NELL1: variants seen among roughly 807,000 people sequenced by gnomAD.
NELL1 encodes the protein protein kinase C-binding protein NELL1.
Under a neutral mutation model 107.4 loss-of-function variants are expected in NELL1, and 76 were observed. The ratio of observed to expected loss-of-function variants is 0.71; its 90% CI spans 0.59 to 0.86. The LOEUF is 0.86. NELL1 is among the 40% of genes least tolerant of loss of function. NELL1 has a pLI of 0.00. For synonymous variants in NELL1, 353 were observed against 341.2 expected (o/e 1.03, Z -0.38); for missense variants, 1,024 against 1,005.5 (o/e 1.02, Z -0.25).
At chr11:20,992,864 G>A (rs930678100) in intron 12 of NELL1, among the ~76,000 whole-genome samples, 11 of 151,992 alleles carry the variant, frequency 7.2e-5, no homozygotes, top group East Asian at 5.8e-4. Flanking sequence ...ACAGGCATGC[G>A]CCACCACACC....
At chr11:20,693,920 C>A (rs567359001) in intron 2 of NELL1, among the ~76,000 whole-genome samples, 310 of 152,248 alleles carry the variant, frequency 2.0e-3, no homozygotes, top group African/African-American at 7.2e-3. Context: ...CTTTCAGGTA[C>A]ACCAATCAGA....
chr11:21,439,491 A>G (rs991220858), intron 15 of NELL1, among the ~76,000 whole-genome samples: 1 of 152,152 alleles, frequency 6.6e-6, no homozygotes, highest in African/African-American at 2.4e-5. Context: ...TGGCAAGAGC[A>G]AAGGCAGGTG....
intron 12 of NELL1, among the ~76,000 whole-genome samples, chr11:21,002,941 A>C (rs572485057): frequency 6.6e-6 from 1 of 152,274 alleles, no homozygotes; most frequent in Non-Finnish European, 1.5e-5. Flanking sequence ...TGGGTTTTGC[A>C]CTGAATCCTT....
chr11:20,669,895 G>C lies in NELL1; in HGVS notation c.55+117G>C. Reference sequence around the variant, plus strand: ...CTGGTCTGGGGAACGGCGGTAGCGTGGACCGGTTCCTGGGATCTCTTTGCC... The same window carrying C: ...CTGGTCTGGGGAACGGCGGTAGCGTCGACCGGTTCCTGGGATCTCTTTGCC... On this transcript the variant is annotated intron_variant, in intron 1 of 19. Transcript: ENST00000357134. The surrounding 1 kb of genome is among the most constrained non-coding windows in gnomAD (Gnocchi z 4.4). 1.2e-6 allele frequency: 1 copy of C among 833,710 alleles called. No individual in the cohort carries two copies. 51.6% of individuals were successfully genotyped at this position (833,710 alleles called of 1,614,324 possible).
chr11:21,279,519 T>A (rs1848944385), intron 14 of NELL1, among the ~76,000 whole-genome samples: 1 of 152,204 alleles, frequency 6.6e-6, no homozygotes, highest in African/African-American at 2.4e-5. Flanking sequence ...CATTTTATGT[T>A]ATTAAGGAAC....
intron 4 of NELL1, among the ~76,000 whole-genome samples, chr11:20,870,444 C>T (rs1849175410): frequency 6.6e-6 from 1 of 151,022 alleles, no homozygotes. Flanking sequence ...TCTCTGGCAA[C>T]TAATTTATAT....
chr11:20,992,709 A>ATTTTTTTTTTT (rs56048576), intron 12 of NELL1, among the ~76,000 whole-genome samples: 2 of 114,476 alleles, frequency 1.7e-5, no homozygotes, highest in Admixed American at 9.8e-5. Context: ...CAAAAGTGGC[A>ATTTTTTTTTTT]TTTTTTTTTT....
At chr11:21,446,498 G>A (rs571242836) in intron 15 of NELL1, among the ~76,000 whole-genome samples, 13 of 152,244 alleles carry the variant, frequency 8.5e-5, no homozygotes, top group Non-Finnish European at 1.5e-4. Flanking sequence ...GGCTTTTGAA[G>A]TATTCACAAG....
intron 2 of NELL1, among the ~76,000 whole-genome samples, chr11:20,764,357 G>A (rs1201885375): frequency 6.6e-6 from 1 of 152,100 alleles, no homozygotes; most frequent in Non-Finnish European, 1.5e-5. Flanking sequence ...TCAAATGATG[G>A]TGTATTTTAT....
At chr11:21,409,792 A>G (rs1339048842) in intron 15 of NELL1, among the ~76,000 whole-genome samples, 1 of 151,746 alleles carries the variant, frequency 6.6e-6, no homozygotes, top group Non-Finnish European at 1.5e-5. Flanking sequence ...TCTAGATGCA[A>G]TCTGTCGCCT....
At chr11:20,762,997 C>T (rs4922623) in intron 2 of NELL1, among the ~76,000 whole-genome samples, 90,618 of 151,718 alleles carry the variant, frequency 0.6, 28,015 homozygotes, top group Middle Eastern at 0.76. Flanking sequence ...AAAAAAGATA[C>T]GCCAACCTTA....
chr11:20,893,149 A>G (rs531345435), intron 5 of NELL1, among the ~76,000 whole-genome samples: 21 of 152,114 alleles, frequency 1.4e-4, no homozygotes, highest in African/African-American at 1.9e-4. Flanking sequence ...TCAGCAAACC[A>G]ACACAGGAAC....
At chr11:21,128,515 G>C (rs1223774862) in intron 13 of NELL1, among the ~76,000 whole-genome samples, 1 of 152,162 alleles carries the variant, frequency 6.6e-6, no homozygotes, top group African/African-American at 2.4e-5. Context: ...TTTTGAGGAA[G>C]TGTTGAAGAA....
intron 13 of NELL1, among the ~76,000 whole-genome samples, chr11:21,194,705 G>A (rs1241725853): frequency 6.6e-6 from 1 of 152,140 alleles, no homozygotes; most frequent in Non-Finnish European, 1.5e-5. Flanking sequence ...CCAGAAATCT[G>A]CATTTTAATA....
intron 11 of NELL1, among the ~76,000 whole-genome samples, chr11:20,951,481 T>C (rs1325335500): frequency 6.6e-6 from 1 of 152,170 alleles, no homozygotes; most frequent in East Asian, 1.9e-4. Flanking sequence ...TGACTTATGG[T>C]GTTCACTGTA....
At chr11:21,236,577 G>A (rs1483079804) in intron 14 of NELL1, among the ~76,000 whole-genome samples, 3 of 152,112 alleles carry the variant, frequency 2.0e-5, no homozygotes, top group Admixed American at 6.6e-5. Context: ...TATGTTTAAT[G>A]CCTATAGATG....
At chr11:21,326,534 A>G (rs1260806303) in intron 14 of NELL1, among the ~76,000 whole-genome samples, 1 of 152,096 alleles carries the variant, frequency 6.6e-6, no homozygotes, top group Non-Finnish European at 1.5e-5. Flanking sequence ...TTAAAAAGTT[A>G]AAAATATCTT....
intron 15 of NELL1, among the ~76,000 whole-genome samples, chr11:21,529,006 C>A (rs1252935668): frequency 6.6e-6 from 1 of 151,704 alleles, no homozygotes; most frequent in Non-Finnish European, 1.5e-5. Context: ...GGAAAAGGGT[C>A]TCTCATAATA....
At chr11:21,001,274 A>G (rs960508382) in intron 12 of NELL1, among the ~76,000 whole-genome samples, 5 of 152,210 alleles carry the variant, frequency 3.3e-5, no homozygotes, top group African/African-American at 1.2e-4. Context: ...TAAAACATTT[A>G]TTTGGACAAA....
Sources: allele counts gnomAD v4.1 joint callset (sites outside exome capture counted in the v4.1 genomes callset), GRCh38; gene constraint gnomAD v4.1.1; non-coding constraint Gnocchi (gnomAD v3.1); transcripts MANE v1.5; gene names NCBI Gene and HGNC (gene_info 2026-07-23, HGNC 2026-07-21).